Variants in GRM8 observed in about 807,000 individuals in gnomAD.
The protein encoded by GRM8 is metabotropic glutamate receptor 8.
A neutral mutation model predicts 87.2 loss-of-function variants in GRM8; 47 were observed. The ratio of observed to expected loss-of-function variants is 0.54; its 90% CI spans 0.43 to 0.69. The LOEUF (loss-of-function observed/expected upper bound fraction) is 0.69, where lower values mean the gene tolerates loss of function less well. Among genes scored for constraint, GRM8 ranks in the 30% least tolerant of loss-of-function variants. The pLI is 0.00. For missense variants in GRM8, 1,019 were observed against 1,139.2 expected (o/e 0.89, Z 1.52); for synonymous variants, 396 against 404.5 (o/e 0.98, Z 0.25).
intron 9 of GRM8, among the ~76,000 whole-genome samples, chr7:126,513,980 G>C (rs1811798873): frequency 6.6e-6 from 1 of 152,034 alleles, no homozygotes; most frequent in Non-Finnish European, 1.5e-5. Flanking sequence ...GTTCTAAAAA[G>C]AAACAAAGTA....
rs1811529200 is a variant in GRM8 at position 126,981,562 on chromosome 7, T to C, written c.728-76879A>G. On this transcript the variant is annotated intron_variant, in intron 3 of 10. Transcript: ENST00000339582. ...CTCTTCTTATAATGCCACCAGTTAATCCATTAACTCATTAATCCATGGATA... is the reference window on the plus strand; with the variant it reads ...CTCTTCTTATAATGCCACCAGTTAACCCATTAACTCATTAATCCATGGATA... Among the ~76,000 whole-genome samples the C allele has an allele frequency of 1.3e-5, 2 of 152,152 alleles. 1 individual carries two copies. Among genetic ancestry groups the C allele is most frequent in the South Asian group, 4.1e-4 (2 of 4,824 alleles).
In GRM8 at chr7:126,527,982, G is replaced by C. The variant is rs181086307; in HGVS notation, c.2430+4970C>G. On this transcript the variant is annotated intron_variant, in intron 9 of 10. Transcript: ENST00000339582. ...GCATTTTGGGAGGCTAAGGCGGGCG[G>C]ATCATGAGGTCAAGAGATTGAGACC... Among the ~76,000 whole-genome samples, 631 of 152,294 alleles carry C rather than the reference G, an allele frequency of 4.1e-3. 4 individuals are homozygous for C. The highest frequency in any genetic ancestry group is 0.015 in the African/African-American group (611 of 41,552).
intron 6 of GRM8, among the ~76,000 whole-genome samples, chr7:126,830,991 A>G (rs915565874): frequency 1.3e-5 from 2 of 152,230 alleles, no homozygotes; most frequent in African/African-American, 4.8e-5. Context: ...TTGCCTGGGT[A>G]TCAGCAGCGG....
chr7:126,826,532 C>A (rs1794818064), intron 6 of GRM8, among the ~76,000 whole-genome samples: 1 of 152,142 alleles, frequency 6.6e-6, no homozygotes, highest in Admixed American at 6.5e-5. Flanking sequence ...TGAGAAGTGT[C>A]TGTTCATGTC....
chr7:126,720,597 AAGTAG>A (rs1812287996), intron 7 of GRM8, among the ~76,000 whole-genome samples: 1 of 152,204 alleles, frequency 6.6e-6, no homozygotes, highest in African/African-American at 2.4e-5. Context: ...CAGAAAGGAT[AAGTAG>A]ATTATTTCTG....
At chr7:127,071,031 A>G (rs997872551) in intron 3 of GRM8, among the ~76,000 whole-genome samples, 1 of 152,186 alleles carries the variant, frequency 6.6e-6, no homozygotes, top group Non-Finnish European at 1.5e-5. Flanking sequence ...TCGTCTAGCT[A>G]GTCCAAATAT....
At chr7:126,755,933 A>T (rs1816955393) in intron 7 of GRM8, among the ~76,000 whole-genome samples, 2 of 152,026 alleles carry the variant, frequency 1.3e-5, no homozygotes, top group Admixed American at 1.3e-4. Context: ...CCTATGCAGT[A>T]ATATTTTCCA....
chr7:126,578,748 T>A (rs1336446312), intron 8 of GRM8, among the ~76,000 whole-genome samples: 5 of 152,168 alleles, frequency 3.3e-5, no homozygotes, highest in Non-Finnish European at 1.5e-5. Context: ...TTAATAAAAA[T>A]CACCATTTTT....
chr7:127,094,551 A>G (rs1470393657), intron 3 of GRM8, among the ~76,000 whole-genome samples: 1 of 152,206 alleles, frequency 6.6e-6, no homozygotes, highest in East Asian at 1.9e-4. Context: ...AGGAATGCCA[A>G]ATATCACCAG....
At chr7:127,012,275 T>C (rs918378129) in intron 3 of GRM8, among the ~76,000 whole-genome samples, 1 of 152,166 alleles carries the variant, frequency 6.6e-6, no homozygotes, top group Non-Finnish European at 1.5e-5. Context: ...CTTGGTTCTA[T>C]AGTTCTACTA....
intron 3 of GRM8, among the ~76,000 whole-genome samples, chr7:127,017,231 G>A (rs1260539639): frequency 6.6e-6 from 1 of 151,966 alleles, no homozygotes; most frequent in Non-Finnish European, 1.5e-5. Context: ...ATTTTAAGTA[G>A]CTAAGTTCTC....
intron 6 of GRM8, among the ~76,000 whole-genome samples, chr7:126,879,203 A>G (rs1268515378): frequency 6.6e-6 from 1 of 151,688 alleles, no homozygotes; most frequent in African/African-American, 2.4e-5. Context: ...AGGAAGAAAA[A>G]AAAAAAACAT....
At chr7:127,215,510 T>C (rs1267069005) in intron 2 of GRM8, among the ~76,000 whole-genome samples, 1 of 152,128 alleles carries the variant, frequency 6.6e-6, no homozygotes, top group African/African-American at 2.4e-5. Context: ...CTCATCCCTG[T>C]TGTATGGCAA....
chr7:126,504,190 A>T lies in GRM8; in HGVS notation c.2430+28762T>A, dbSNP rs888072292. On this transcript the variant is annotated intron_variant, in intron 9 of 10. Coordinates refer to ENST00000339582, the MANE Select transcript of GRM8 (RefSeq NM_000845.3). ...CGTGATTTACAGACACTCTATTTTCACAGAATCATATGTCTTTATAATTAT... is the reference window on the plus strand; with the variant it reads ...CGTGATTTACAGACACTCTATTTTCTCAGAATCATATGTCTTTATAATTAT... 7.2e-5 allele frequency among the ~76,000 whole-genome samples: 11 copies of T among 152,146 alleles called. 1 individual carries two copies. The highest frequency in any genetic ancestry group is 2.6e-4 in the African/African-American group (11 of 41,560).
rs17866342 is a variant in GRM8 at position 127,233,840 on chromosome 7, A to G, written c.510+8855T>C. On this transcript the variant is annotated intron_variant, in intron 2 of 10. Transcript: ENST00000339582. ...GAGACTGACCTCATTCTAGAAACAGATAACAGTGGCTGTGCACAATGCTAT... is the reference window on the plus strand; with the variant it reads ...GAGACTGACCTCATTCTAGAAACAGGTAACAGTGGCTGTGCACAATGCTAT... Among the ~76,000 whole-genome samples the G allele has an allele frequency of 3.2e-3, 491 of 152,326 alleles. 1 individual carries two copies. The highest frequency in any genetic ancestry group is 0.024 in the Middle Eastern group (7 of 294).
chr7:126,786,966 A>T (rs1404294101), intron 6 of GRM8, among the ~76,000 whole-genome samples: 1 of 152,184 alleles, frequency 6.6e-6, no homozygotes, highest in Non-Finnish European at 1.5e-5. Context: ...TTTCTGGGTC[A>T]CAATGCTGGC....
intron 9 of GRM8, among the ~76,000 whole-genome samples, chr7:126,532,577 T>C (rs1814980749): frequency 6.6e-6 from 1 of 151,946 alleles, no homozygotes; most frequent in African/African-American, 2.4e-5. Flanking sequence ...TCTTCCTCCT[T>C]CTTTTAATTA....
intron 2 of GRM8, among the ~76,000 whole-genome samples, chr7:127,179,096 C>G (rs1794286788): frequency 6.6e-6 from 1 of 152,152 alleles, no homozygotes; most frequent in Non-Finnish European, 1.5e-5. Flanking sequence ...CACCAATCAT[C>G]TGCTGCCTTC....
intron 6 of GRM8, among the ~76,000 whole-genome samples, chr7:126,785,703 C>A (rs1023033322): frequency 6.6e-6 from 1 of 151,994 alleles, no homozygotes; most frequent in Non-Finnish European, 1.5e-5. Context: ...CTACCTGTCA[C>A]CTGGAACCAG....
Sources: gnomAD v4.1 joint callset for allele counts (sites outside exome capture counted in the v4.1 genomes callset) on GRCh38, gnomAD v4.1.1 for gene constraint, MANE v1.5 for transcripts, NCBI Gene and HGNC (gene_info 2026-07-23, HGNC 2026-07-21) for gene names.